C14orf39: variants seen among roughly 807,000 people sequenced by gnomAD.
C14orf39 encodes chromosome 14 open reading frame 39.
Under a neutral mutation model 85.6 loss-of-function variants are expected in C14orf39, and 66 were observed. That is an observed-to-expected ratio of 0.77 (90% CI 0.63 to 0.95). The LOEUF (loss-of-function observed/expected upper bound fraction) is 0.95. Ranked by LOEUF, C14orf39 falls within the 40% of genes least tolerant of loss-of-function variation. The pLI is 0.00. For missense variants in C14orf39, 735 were observed against 663.9 expected (o/e 1.11, Z -1.18); for synonymous variants, 242 against 214.0 (o/e 1.13, Z -1.14).
At position 60,472,599 on chromosome 14, in the gene C14orf39, T is replaced by C. The variant is rs1892150620; in HGVS notation, c.324-860A>G. Among the ~76,000 whole-genome samples the C allele has an allele frequency of 2.0e-5, 3 of 152,134 alleles. No homozygotes were observed. The South Asian group carries it at 6.2e-4, about 32-fold the overall frequency. Reference sequence around the variant, plus strand: ...CCGGGGTGTGATGTTCCCCTTCCTGTGTCCATGTGTTCTCATTGTTCAATT... The same window carrying C: ...CCGGGGTGTGATGTTCCCCTTCCTGCGTCCATGTGTTCTCATTGTTCAATT... On this transcript the variant is annotated intron_variant, in intron 5 of 17. Transcript: ENST00000321731.
chr14:60,467,594 A>G (rs1455029823), intron 9 of C14orf39, among the ~76,000 whole-genome samples: 1 of 151,860 alleles, frequency 6.6e-6, no homozygotes, highest in African/African-American at 2.4e-5. Flanking sequence ...TGTTTCTGTC[A>G]ATACATGGAA....
At chr14:60,466,710 T>C (rs1225436120) in intron 10 of C14orf39, among the ~76,000 whole-genome samples, 1 of 151,918 alleles carries the variant, frequency 6.6e-6, no homozygotes, top group Non-Finnish European at 1.5e-5. Context: ...ATTGTGTGAA[T>C]AATTCCTTTC....
intron 6 of C14orf39, 35 bp downstream of exon 6, chr14:60,471,517 T>C: frequency 1.3e-6 from 2 of 1,570,228 alleles, no homozygotes; most frequent in South Asian, 2.4e-5. Flanking sequence ...TACAAAGATA[T>C]CATAATTAAA....
chr14:60,489,702 A>G (rs1892957594), upstream of C14orf39, among the ~76,000 whole-genome samples: 1 of 152,120 alleles, frequency 6.6e-6, no homozygotes, highest in African/African-American at 2.4e-5. Flanking sequence ...TCTTATGTGT[A>G]TTCAATCTCT....
chr14:60,468,480 G>T lies in C14orf39; in HGVS notation c.732C>A (p.Asn244Lys). Residue 244 changes from asparagine (N) to lysine (K), a missense_variant, in exon 9 of 18, where the codon AAC becomes AAA. Physicochemically the swap from Asn to Lys is moderately conservative, Grantham distance 94. Coordinates refer to ENST00000321731, the MANE Select transcript of C14orf39 (RefSeq NM_174978.3). ...KALSETLEEKNKNTENRKELK... is the reference protein window; with the variant it reads ...KALSETLEEKKKNTENRKELK... ...GTTCTTTTCTGTTTTCTGTATTTTT[G>T]TTCTTTTCTTCCAGAGTTTCTGAAA... The T allele has an allele frequency of 6.3e-7, 1 of 1,595,446 alleles. No individual in the cohort carries two copies. Among genetic ancestry groups the T allele is most frequent in the Non-Finnish European group, 8.5e-7 (1 of 1,169,916 alleles).
intron 15 of C14orf39, 133 bp downstream of exon 15, chr14:60,456,784 C>G: frequency 2.8e-6 from 2 of 706,684 alleles, no homozygotes; most frequent in Non-Finnish European, 4.4e-6. Flanking sequence ...ATTAGTCTTT[C>G]TCTTCTTTGC....
At chr14:60,490,067 A>C (rs1892963370), upstream of C14orf39, among the ~76,000 whole-genome samples, 1 of 152,046 alleles carries the variant, frequency 6.6e-6, no homozygotes, top group Non-Finnish European at 1.5e-5. Context: ...CATCTCTCAT[A>C]ATTTTCTCTA....
intron 2 of C14orf39, among the ~76,000 whole-genome samples, chr14:60,493,169 C>T (rs531229153): frequency 1.3e-5 from 2 of 152,180 alleles, no homozygotes; most frequent in African/African-American, 2.4e-5. Flanking sequence ...AGCAGCAACA[C>T]ACACATTGAC....
intron 12 of C14orf39, 48 bp from the exon 13 acceptor site, chr14:60,461,460 T>C: frequency 6.4e-7 from 1 of 1,568,084 alleles, no homozygotes; most frequent in Non-Finnish European, 8.7e-7. Context: ...AGTTGATATC[T>C]ATAAATTATT....
At chr14:60,443,914 G>A (rs1890640954) in intron 16 of C14orf39, among the ~76,000 whole-genome samples, 1 of 152,218 alleles carries the variant, frequency 6.6e-6, no homozygotes, top group Admixed American at 6.5e-5. Context: ...AGGGTCTGGA[G>A]TGGATCTCCA....
chr14:60,476,019 C>A (rs1892359744), intron 5 of C14orf39, among the ~76,000 whole-genome samples: 2 of 152,190 alleles, frequency 1.3e-5, no homozygotes, highest in South Asian at 4.2e-4. Flanking sequence ...AGGATAACAG[C>A]CCTGTGCTAG....
intron 1 of C14orf39, among the ~76,000 whole-genome samples, chr14:60,499,667 T>A (rs1893112767): frequency 6.6e-6 from 1 of 152,224 alleles, no homozygotes; most frequent in Admixed American, 6.5e-5. Flanking sequence ...CAGAACTGGA[T>A]TTGATAGATT....
chr14:60,499,788 A>G (rs555123739), intron 1 of C14orf39, among the ~76,000 whole-genome samples: 53 of 152,370 alleles, frequency 3.5e-4, no homozygotes, highest in African/African-American at 1.3e-3. Flanking sequence ...AAGAAAAAAT[A>G]TATATCCTTA....
intron 1 of C14orf39, among the ~76,000 whole-genome samples, chr14:60,504,021 T>A (rs1893175831): frequency 6.6e-6 from 1 of 152,180 alleles, no homozygotes; most frequent in Non-Finnish European, 1.5e-5. Flanking sequence ...CTGTTCATCA[T>A]AAGATGTTTA....
intron 1 of C14orf39, chr14:60,512,489 T>C (rs558906482): frequency 7.9e-5 from 12 of 152,236 alleles, no homozygotes; most frequent in Non-Finnish European, 2.9e-5. Context: ...AAATGAATGG[T>C]TTTTAACAAG....
chr14:60,448,836 A>T (rs1595446745), intron 16 of C14orf39, among the ~76,000 whole-genome samples: 1 of 152,352 alleles, frequency 6.6e-6, no homozygotes, highest in Non-Finnish European at 1.5e-5. Flanking sequence ...GCACATATAC[A>T]CCATGGAATA....
intron 1 of C14orf39, among the ~76,000 whole-genome samples, chr14:60,506,700 C>T (rs1399644380): frequency 1.3e-5 from 2 of 152,324 alleles, no homozygotes; most frequent in East Asian, 3.9e-4. Flanking sequence ...CAGTCCCTTC[C>T]TGCCAAGCCA....
intron 1 of C14orf39, chr14:60,509,844 AG>A: frequency 6.2e-7 from 1 of 1,613,966 alleles, no homozygotes. Flanking sequence ...TGGTACCTGC[AG>A]GATCCATACC....
At chr14:60,501,535 C>T (rs983107532) in intron 1 of C14orf39, among the ~76,000 whole-genome samples, 1 of 152,118 alleles carries the variant, frequency 6.6e-6, no homozygotes, top group East Asian at 1.9e-4. Context: ...GTCAACACCT[C>T]GATTCAAACT....
Sources: gnomAD v4.1 joint callset for allele counts (sites outside exome capture counted in the v4.1 genomes callset) on GRCh38, gnomAD v4.1.1 for gene constraint, MANE v1.5 for transcripts, NCBI Gene and HGNC (gene_info 2026-07-23, HGNC 2026-07-21) for gene names.